ATP9A: variants seen among roughly 807,000 people sequenced by gnomAD.
ATP9A encodes ATPase phospholipid transporting 9A, also known as probable phospholipid-transporting ATPase IIA.
ATP9A carries 52 observed loss-of-function variants against 144.1 expected under a neutral mutation model. That is an observed-to-expected ratio of 0.36 (90% CI 0.29 to 0.45). The LOEUF (loss-of-function observed/expected upper bound fraction) is 0.45. Among genes scored for constraint, ATP9A ranks in the 20% least tolerant of loss-of-function variants. The pLI is 1.00. For missense variants in ATP9A, 947 were observed against 1,392.7 expected (o/e 0.68, Z 5.09); for synonymous variants, 582 against 557.4 (o/e 1.04, Z -0.62).
chr20:51,739,762 G>T (rs545898848), intron 1 of ATP9A, among the ~76,000 whole-genome samples: 4 of 152,138 alleles, frequency 2.6e-5, no homozygotes, highest in Admixed American at 6.5e-5. Flanking sequence ...GCTTGAGAAG[G>T]GACAGTGAGA....
chr20:51,752,682 G>C (rs933224059), intron 1 of ATP9A, among the ~76,000 whole-genome samples: 1 of 152,178 alleles, frequency 6.6e-6, no homozygotes, highest in Admixed American at 6.5e-5. Flanking sequence ...CTGCATTTTT[G>C]AGTGCTTCTT....
At chr20:51,738,201 TG>T (rs2077770520) in intron 1 of ATP9A, among the ~76,000 whole-genome samples, 1 of 151,986 alleles carries the variant, frequency 6.6e-6, no homozygotes, top group Non-Finnish European at 1.5e-5. Flanking sequence ...GCTAATTTTT[TG>T]TATGTTTAGT....
intron 10 of ATP9A, among the ~76,000 whole-genome samples, chr20:51,674,961 G>A (rs887386588): frequency 3.3e-5 from 5 of 152,040 alleles, no homozygotes; most frequent in African/African-American, 9.7e-5. Flanking sequence ...TATGGCGCCC[G>A]CCACCACACC....
chr20:51,696,007 A>G lies in ATP9A; in HGVS notation c.547+86T>C, dbSNP rs2077569162. ...CTCCATGGCTCCAAAATGATAATCTACTTTGTGACATTTTCAAATGATTAT... is the reference window on the plus strand; with the variant it reads ...CTCCATGGCTCCAAAATGATAATCTGCTTTGTGACATTTTCAAATGATTAT... On this transcript the variant is annotated intron_variant, in intron 6 of 27. Transcript: ENST00000338821. 3 of 1,257,824 alleles carry G rather than the reference A, an allele frequency of 2.4e-6. No homozygotes were observed. In the East Asian group the frequency reaches 7.0e-5, roughly 29 times the overall value. The allele number at this position is 1,257,824 out of a possible 1,614,324, so 77.9% of individuals were successfully genotyped here. A position where few individuals can be genotyped will look rare whatever the true frequency, so the allele number is the denominator to read the frequency against.
chr20:51,669,972 T>G, intron 13 of ATP9A, 25 bp downstream of exon 13: 3 of 1,541,660 alleles, frequency 1.9e-6, no homozygotes, highest in Non-Finnish European at 1.8e-6. Flanking sequence ...AGAATTGTTT[T>G]GGGTGTTGAA....
At chr20:51,610,753 A>G (rs910159) in intron 23 of ATP9A, among the ~76,000 whole-genome samples, 143,806 of 152,192 alleles carry the variant, frequency 0.94, 68,079 homozygotes, top group African/African-American at 0.99. Context: ...AAACACATAC[A>G]GAAAAAGAGC....
intron 4 of ATP9A, among the ~76,000 whole-genome samples, chr20:51,702,790 C>T (rs945831258): frequency 6.6e-6 from 1 of 152,138 alleles, no homozygotes; most frequent in African/African-American, 2.4e-5. Context: ...AGGGGAAGAA[C>T]AAGATACGGA....
chr20:51,639,004 C>A (rs1314206505), intron 15 of ATP9A, among the ~76,000 whole-genome samples: 1 of 151,686 alleles, frequency 6.6e-6, no homozygotes, highest in Non-Finnish European at 1.5e-5. Flanking sequence ...CTGAAGTTTT[C>A]ACTTTAAAAT....
chr20:51,669,947 A>AG, intron 13 of ATP9A, 50 bp downstream of exon 13: 1 of 1,380,108 alleles, frequency 7.2e-7, no homozygotes, highest in Non-Finnish European at 1.0e-6. Context: ...ATAGCTGTTA[A>AG]AAAAAAAAAG....
At chr20:51,619,957 C>T (rs2077219834) in intron 19 of ATP9A, among the ~76,000 whole-genome samples, 1 of 151,254 alleles carries the variant, frequency 6.6e-6, no homozygotes. Context: ...TTATTTCTCA[C>T]AACGGCTCTA....
chr20:51,688,951 A>AATG (rs2077535373), intron 9 of ATP9A, 113 bp downstream of exon 9: 2 of 1,164,710 alleles, frequency 1.7e-6, no homozygotes, highest in African/African-American at 1.5e-5. Flanking sequence ...ACAAGTGGAA[A>AATG]ATGCCATTTG....
intron 1 of ATP9A, among the ~76,000 whole-genome samples, chr20:51,751,298 A>C (rs1601144758): frequency 1.6e-5 from 2 of 126,662 alleles, no homozygotes; most frequent in African/African-American, 3.0e-5. Flanking sequence ...GTCACACTCC[A>C]TCCCATGCTG....
intron 18 of ATP9A, 136 bp from the exon 19 acceptor site, chr20:51,622,308 C>T: frequency 1.5e-6 from 1 of 677,138 alleles, no homozygotes; most frequent in South Asian, 1.8e-5. Context: ...ATGCTGTCCC[C>T]AACACAACAC....
At chr20:51,608,358 C>A (rs367595537) in intron 25 of ATP9A, among the ~76,000 whole-genome samples, 160 bp downstream of exon 25, 2 of 152,056 alleles carry the variant, frequency 1.3e-5, no homozygotes, top group East Asian at 3.8e-4. Context: ...ACTCCCACAC[C>A]TTCCCCCCAA....
At chr20:51,688,601 G>C (rs2077533776) in intron 9 of ATP9A, among the ~76,000 whole-genome samples, 1 of 139,302 alleles carries the variant, frequency 7.2e-6, no homozygotes, top group Admixed American at 7.4e-5. Context: ...CAAAAAAAGA[G>C]AAAAGAAAAA....
chr20:51,611,700 G>A lies in ATP9A; in HGVS notation c.2572-1535C>T, dbSNP rs1479027870. Among the ~76,000 whole-genome samples, 1 of 152,176 alleles carries A rather than the reference G, an allele frequency of 6.6e-6. No homozygotes were observed. The highest frequency in any genetic ancestry group is 6.5e-5 in the Admixed American group (1 of 15,276). On this transcript the variant is annotated intron_variant, in intron 23 of 27. Coordinates refer to ENST00000338821, the MANE Select transcript of ATP9A (RefSeq NM_006045.3). The surrounding 1 kb of genome is among the most constrained non-coding windows in gnomAD (Gnocchi z 4.2). ...TCAGCTCATCCCGGCCAGCTTTTGT[G>A]TATGAGTCCAAGGACGGGCTGATTA...
chr20:51,735,024 C>A, intron 1 of ATP9A: 1 of 203,860 alleles, frequency 4.9e-6, no homozygotes, highest in South Asian at 9.4e-5. Context: ...AGTTCCAGCT[C>A]AGGCTCTCAA....
chr20:51,621,354 T>G (rs934619509), intron 19 of ATP9A, among the ~76,000 whole-genome samples: 1 of 152,110 alleles, frequency 6.6e-6, no homozygotes, highest in Non-Finnish European at 1.5e-5. Context: ...CTGTGTGCTA[T>G]GGACCAAAGG....
chr20:51,760,205 G>A (rs1210531603), intron 1 of ATP9A, among the ~76,000 whole-genome samples: 1 of 152,148 alleles, frequency 6.6e-6, no homozygotes, highest in Non-Finnish European at 1.5e-5. Flanking sequence ...GCTGCCTCCA[G>A]GCGTGAGTTA....
Sources: allele counts gnomAD v4.1 joint callset (sites outside exome capture counted in the v4.1 genomes callset), GRCh38; gene constraint gnomAD v4.1.1; non-coding constraint Gnocchi (gnomAD v3.1); transcripts MANE v1.5; gene names NCBI Gene and HGNC (gene_info 2026-07-23, HGNC 2026-07-21).